Variants in ESYT3 observed in about 807,000 individuals in gnomAD.
The protein encoded by ESYT3 is extended synaptotagmin-3.
Under a neutral mutation model 111.5 loss-of-function variants are expected in ESYT3, and 101 were observed. The observed-to-expected ratio is 0.91, with a 90% CI of 0.77 to 1.07. The LOEUF (loss-of-function observed/expected upper bound fraction) is 1.07, where lower values mean the gene tolerates loss of function less well. ESYT3 is among the 50% of genes least tolerant of loss of function. ESYT3 has a pLI of 0.00. For missense variants in ESYT3, 1,097 were observed against 1,109.4 expected, an observed-to-expected ratio of 0.99 and a Z score of 0.16; for synonymous variants, 416 against 446.8, an observed-to-expected ratio of 0.93 and a Z score of 0.87.
Position 138,464,452 on chromosome 3 carries a change from A to G in ESYT3, c.1023A>G (p.Leu341=). 6.2e-7 allele frequency: 1 copy of G among 1,614,126 alleles called. No individual in the cohort carries two copies. Among genetic ancestry groups the G allele is most frequent in the Non-Finnish European group, 8.5e-7 (1 of 1,180,014 alleles). Residue 341 remains leucine (L), a synonymous_variant, in exon 9 of 23, where the codon CTA becomes CTG. Transcript: ENST00000389567. ...SDPYAKVSIG[L]QHFRSRTIYR... ...CCTACGCCAAGGTGAGCATCGGCCTACAGCATTTCCGGAGTAGGACCATCT... is the reference window on the plus strand; with the variant it reads ...CCTACGCCAAGGTGAGCATCGGCCTGCAGCATTTCCGGAGTAGGACCATCT...
rs1298406628 is a variant in ESYT3, at chr3:138,435,253, C to G, written c.327+128C>G. On this transcript the variant is annotated intron_variant, in intron 1 of 22. Coordinates refer to ENST00000389567, the MANE Select transcript of ESYT3 (RefSeq NM_031913.5). The surrounding 1 kb of genome is among the most constrained non-coding windows in gnomAD (Gnocchi z 4.8). Reference sequence around the variant, plus strand: ...CGGGAGCCCGGCGACCTGCACACCCCGTTCCCCACCGCTCCCGGGGCGCAG... The same window carrying G: ...CGGGAGCCCGGCGACCTGCACACCCGGTTCCCCACCGCTCCCGGGGCGCAG... 60 of 906,924 alleles carry G rather than the reference C, an allele frequency of 6.6e-5. No individual in the cohort carries two copies. In the East Asian group the frequency reaches 1.6e-3, roughly 24 times the overall value. The allele number at this position is 906,924 out of a possible 1,614,324, so 56.2% of individuals were successfully genotyped here.
intron 10 of ESYT3, among the ~76,000 whole-genome samples, chr3:138,466,602 TC>T (rs1356900332): frequency 3.3e-5 from 5 of 152,202 alleles, no homozygotes; most frequent in Non-Finnish European, 7.3e-5. Context: ...AATTACATTT[TC>T]CCCTCTGGCT....
rs1302322247 is a variant in ESYT3, at chr3:138,472,654, C to T, written c.2032C>T (p.Pro678Ser). ...GKDSAKRFCE[P>S]IGEKKSPATI... ...GGACAGTGCCAAAAGGTTCTGTGAG[C>T]CCATCGGGGAGAAGAAGAGTCCAGC... is the stretch of plus-strand genomic sequence containing the variant. The change falls in exon 18 of 23, where the codon CCC becomes TCC. Residue 678 changes from proline (P) to serine (S), a missense_variant. Pro to Ser is a moderately conservative substitution (Grantham distance 74, BLOSUM62 -1). Transcript: ENST00000389567. The T allele has an allele frequency of 1.9e-6, 3 of 1,614,220 alleles. No homozygotes were observed. The highest frequency in any genetic ancestry group is 1.3e-5 in the African/African-American group (1 of 75,052).
chr3:138,473,255 A>T (rs1469047581), intron 18 of ESYT3: 2 of 769,472 alleles, frequency 2.6e-6, no homozygotes, highest in Non-Finnish European at 3.6e-6. Context: ...TACAAGATGG[A>T]ACTATCATAA....
chr3:138,436,768 A>C (rs937594242), intron 1 of ESYT3, among the ~76,000 whole-genome samples: 1 of 152,180 alleles, frequency 6.6e-6, no homozygotes, highest in African/African-American at 2.4e-5. Context: ...GCCATCTGTC[A>C]GATCTCTGTT....
chr3:138,468,406 C>T (rs992719080), intron 12 of ESYT3, among the ~76,000 whole-genome samples: 18 of 152,120 alleles, frequency 1.2e-4, no homozygotes, highest in Non-Finnish European at 7.4e-5. Context: ...TGATGGGGTC[C>T]TTAGAACTCT....
chr3:138,470,220 C>T (rs1576463751), intron 16 of ESYT3, 74 bp downstream of exon 16: 2 of 1,534,680 alleles, frequency 1.3e-6, no homozygotes, highest in East Asian at 2.4e-5. Flanking sequence ...GCTTGAAGTG[C>T]ACCTTGAGCA....
At chr3:138,448,019 A>G (rs12638938) in intron 1 of ESYT3, among the ~76,000 whole-genome samples, 12,281 of 151,890 alleles carry the variant, frequency 0.081, 1,017 homozygotes, top group East Asian at 0.38. Context: ...TGTAATCCCA[A>G]CGCGTTGGGA....
chr3:138,451,906 C>T lies in ESYT3; in HGVS notation c.328-142C>T, dbSNP rs2031955242. The T allele has an allele frequency of 1.1e-5, 10 of 891,062 alleles. No homozygotes were observed. The East Asian group carries it at 1.5e-4, about 14-fold the overall frequency. The allele number at this position is 891,062 out of a possible 1,614,324, so 55.2% of individuals were successfully genotyped here. ...CGCCGAGTGGGTGCGGAGAGCGCACCTGTGACCGACGTGGAGGCGGCGGGG... is the reference window on the plus strand; with the variant it reads ...CGCCGAGTGGGTGCGGAGAGCGCACTTGTGACCGACGTGGAGGCGGCGGGG... On this transcript the variant is annotated intron_variant, in intron 1 of 22. Transcript: ENST00000389567.
At chr3:138,445,054 T>A (rs1183568703) in intron 1 of ESYT3, among the ~76,000 whole-genome samples, 1 of 152,138 alleles carries the variant, frequency 6.6e-6, no homozygotes, top group Admixed American at 6.5e-5. Context: ...CCTGCCCCAG[T>A]CCTCTGGAAT....
At chr3:138,439,951 A>C (rs1404366771) in intron 1 of ESYT3, among the ~76,000 whole-genome samples, 2 of 152,122 alleles carry the variant, frequency 1.3e-5, no homozygotes, top group Non-Finnish European at 2.9e-5. Flanking sequence ...TCGTGATGTG[A>C]AGTAGTGGAA....
intron 10 of ESYT3, 102 bp downstream of exon 10, chr3:138,465,523 C>G (rs2032885202): frequency 1.1e-6 from 1 of 871,748 alleles, no homozygotes; most frequent in Non-Finnish European, 1.8e-6. Context: ...TAGCAACCCG[C>G]TGTGGTCACC....
At chr3:138,476,755 T>C (rs1333280445) in intron 22 of ESYT3, 63 bp from the exon 23 acceptor site, 4 of 1,534,808 alleles carry the variant, frequency 2.6e-6, no homozygotes, top group Non-Finnish European at 3.6e-6. Flanking sequence ...ACTAGGCAGT[T>C]TGTCCTGTTA....
chr3:138,448,034 G>A (rs1008110800), intron 1 of ESYT3, among the ~76,000 whole-genome samples: 18 of 152,134 alleles, frequency 1.2e-4, no homozygotes, highest in East Asian at 5.8e-4. Context: ...TTGGGAGGCC[G>A]AGGCTGGTGG....
chr3:138,475,904 C>T (rs1164725954), intron 20 of ESYT3, among the ~76,000 whole-genome samples: 2 of 152,092 alleles, frequency 1.3e-5, no homozygotes, highest in South Asian at 2.1e-4. Context: ...CCAGCCTGGG[C>T]GACAGAGCGA....
At chr3:138,438,409 C>G (rs997407826) in intron 1 of ESYT3, among the ~76,000 whole-genome samples, 1 of 152,146 alleles carries the variant, frequency 6.6e-6, no homozygotes, top group Non-Finnish European at 1.5e-5. Flanking sequence ...CGGCCACCTG[C>G]TGCTTGTCAA....
rs1303085060 is a variant in ESYT3 at position 138,434,871 on chromosome 3, C to T, written c.73C>T (p.Leu25=). 1.3e-6 allele frequency: 2 copies of T among 1,549,922 alleles called. No individual in the cohort carries two copies. Among genetic ancestry groups the T allele is most frequent in the East Asian group, 4.9e-5 (2 of 40,960 alleles). Residue 25 remains leucine (L), a synonymous_variant, in exon 1 of 23, where the codon CTG becomes TTG. Transcript: ENST00000389567. ...AGCCCAGCGCACGCCGGGCCCCGAGCTGCGCCTGTCCAGCCAGCTGCTGCC... is the reference window on the plus strand; with the variant it reads ...AGCCCAGCGCACGCCGGGCCCCGAGTTGCGCCTGTCCAGCCAGCTGCTGCC... ...LGAQRTPGPE[L]RLSSQLLPEL...
chr3:138,436,087 C>G (rs752549527), intron 1 of ESYT3, among the ~76,000 whole-genome samples: 1 of 152,096 alleles, frequency 6.6e-6, no homozygotes, highest in Non-Finnish European at 1.5e-5. Flanking sequence ...TGACAGTAGT[C>G]TGTAAAGTGA....
chr3:138,481,190 A>G (rs1381594388), downstream of ESYT3: 1 of 152,244 alleles, frequency 6.6e-6, no homozygotes, highest in East Asian at 1.9e-4. Flanking sequence ...ACACGCAAAG[A>G]GCACTAACTA....
Sources: allele counts gnomAD v4.1 joint callset (sites outside exome capture counted in the v4.1 genomes callset), GRCh38; gene constraint gnomAD v4.1.1; non-coding constraint Gnocchi (gnomAD v3.1); transcripts MANE v1.5; gene names NCBI Gene and HGNC (gene_info 2026-07-23, HGNC 2026-07-21).